GNA11: variants seen among roughly 807,000 people sequenced by gnomAD.
The protein encoded by GNA11 is guanine nucleotide-binding protein subunit alpha-11.
Under a neutral mutation model 38.2 loss-of-function variants are expected in GNA11, and 8 were observed. The observed-to-expected ratio is 0.21, with a 90% CI of 0.12 to 0.38. The LOEUF (loss-of-function observed/expected upper bound fraction) is 0.38, where lower values mean the gene tolerates loss of function less well. Among genes scored for constraint, GNA11 ranks in the 10% least tolerant of loss-of-function variants. GNA11 has a pLI of 1.00. For synonymous variants in GNA11, 211 were observed against 221.4 expected, an observed-to-expected ratio of 0.95 and a Z score of 0.42; for missense variants, 268 against 516.3, an observed-to-expected ratio of 0.52 and a Z score of 4.66.
At chr19:3,114,633 C>T (rs1282050884) in intron 3 of GNA11, among the ~76,000 whole-genome samples, 1 of 152,276 alleles carries the variant, frequency 6.6e-6, no homozygotes, top group African/African-American at 2.4e-5. Flanking sequence ...CCTTGGTGGC[C>T]GTCTCTGGAC....
Position 3,110,153 on chromosome 19 carries a change from G to C in GNA11, c.141G>C (p.Thr47=). 1.9e-6 allele frequency: 3 copies of C among 1,605,258 alleles called. No homozygotes were observed. The highest frequency in any genetic ancestry group is 1.7e-6 in the Non-Finnish European group (2 of 1,176,206). The change falls in exon 2 of 7, where the codon ACG becomes ACC. Residue 47 remains threonine (T), a synonymous_variant. Transcript: ENST00000078429. The surrounding 1 kb of genome is among the most constrained non-coding windows in gnomAD (Gnocchi z 5.4). ...CTCACGTGCCCCGTCCCCCAGGCAC[G>C]GGCGAGAGCGGGAAGAGCACGTTCA... ...RRELKLLLLG[T]GESGKSTFIK...
intron 1 of GNA11, among the ~76,000 whole-genome samples, chr19:3,096,025 G>A (rs1016791756): frequency 1.3e-5 from 2 of 152,220 alleles, no homozygotes; most frequent in African/African-American, 4.8e-5. Context: ...CTGGGCCGGG[G>A]GCGGGGCGGT....
chr19:3,118,917 C>G lies in GNA11; in HGVS notation c.606-7C>G. On this transcript the variant is annotated splice_polypyrimidine_tract_variant and splice_region_variant and intron_variant, in intron 4 of 6. Coordinates refer to ENST00000078429, the MANE Select transcript of GNA11 (RefSeq NM_002067.5). ...GGTGGCTGAGTCCTGGCGCTGTGTCCTTTCAGGATGGTGGATGTGGGGGGC... is the reference window on the plus strand; with the variant it reads ...GGTGGCTGAGTCCTGGCGCTGTGTCGTTTCAGGATGGTGGATGTGGGGGGC... 6.2e-7 allele frequency: 1 copy of G among 1,607,184 alleles called. No individual in the cohort carries two copies. Among genetic ancestry groups the G allele is most frequent in the East Asian group, 2.2e-5 (1 of 44,814 alleles).
intron 4 of GNA11, among the ~76,000 whole-genome samples, chr19:3,115,942 G>A (rs1383838218): frequency 3.6e-5 from 5 of 139,048 alleles, no homozygotes; most frequent in Non-Finnish European, 1.5e-5. Context: ...AGGCTGTGAG[G>A]GGAGGAGGGG....
intron 1 of GNA11, among the ~76,000 whole-genome samples, chr19:3,105,172 G>A (rs1361583330): frequency 6.6e-6 from 1 of 152,162 alleles, no homozygotes; most frequent in East Asian, 1.9e-4. Context: ...CAGGGGCCAG[G>A]CAGCATCTGT....
chr19:3,114,744 G>C (rs533907194), intron 3 of GNA11, among the ~76,000 whole-genome samples, 200 bp from the exon 4 acceptor site: 4 of 152,202 alleles, frequency 2.6e-5, no homozygotes, highest in African/African-American at 9.7e-5. Flanking sequence ...GAGGATAGAG[G>C]TTGGGAGGCT....
intron 1 of GNA11, among the ~76,000 whole-genome samples, chr19:3,099,931 C>T (rs918812853): frequency 6.6e-6 from 1 of 152,106 alleles, no homozygotes; most frequent in Non-Finnish European, 1.5e-5. Flanking sequence ...CAGGTCTGTG[C>T]CTCAGTTTCC....
intron 1 of GNA11, among the ~76,000 whole-genome samples, chr19:3,102,669 G>T (rs80105393): frequency 0.02 from 3,076 of 152,290 alleles, 31 homozygotes; most frequent in African/African-American, 0.03. Flanking sequence ...CTGAGGTGCT[G>T]TCTACCTCCT....
intron 1 of GNA11, among the ~76,000 whole-genome samples, chr19:3,097,689 T>C (rs911761501): frequency 6.6e-6 from 1 of 152,230 alleles, no homozygotes; most frequent in Non-Finnish European, 1.5e-5. Flanking sequence ...TACGGAGCCC[T>C]AGAGCTGGAC....
At chr19:3,097,600 C>T (rs1306773956) in intron 1 of GNA11, among the ~76,000 whole-genome samples, 1 of 152,244 alleles carries the variant, frequency 6.6e-6, no homozygotes, top group South Asian at 2.1e-4. Flanking sequence ...CACTGCCTCC[C>T]TGGGGCTGCA....
Position 3,115,088 on chromosome 19 carries a change from C to T in GNA11, c.605+16C>T, listed in dbSNP as rs749917158. ...TCATCTTCCGGTACCGCCCGGGCCA[C>T]AGCAGGCGGGGAGGGGGCACTGAGA... On this transcript the variant is annotated intron_variant, in intron 4 of 6. Transcript: ENST00000078429. 1.0e-4 allele frequency: 167 copies of T among 1,604,700 alleles called. No homozygotes were observed. Among genetic ancestry groups the T allele is most frequent in the Non-Finnish European group, 1.4e-4 (167 of 1,177,572 alleles).
intron 2 of GNA11, among the ~76,000 whole-genome samples, chr19:3,113,023 G>C (rs1250850749): frequency 9.2e-5 from 14 of 152,316 alleles, no homozygotes; most frequent in Admixed American, 2.0e-4. Flanking sequence ...TGTTCTACAC[G>C]TGCTTGTTCC....
At chr19:3,115,178 A>G (rs776984681) in intron 4 of GNA11, 106 bp downstream of exon 4, 2 of 1,310,496 alleles carry the variant, frequency 1.5e-6, no homozygotes, top group Non-Finnish European at 2.2e-6. Flanking sequence ...CCAAGGCGGG[A>G]GGATCGCCTG....
At position 3,120,953 on chromosome 19, in the gene GNA11, G is replaced by T; in HGVS notation, c.890-36G>T. 1 of 1,557,002 alleles carries T rather than the reference G, an allele frequency of 6.4e-7. No individual in the cohort carries two copies. Among genetic ancestry groups the T allele is most frequent in the Non-Finnish European group, 8.8e-7 (1 of 1,136,846 alleles). ...CCCACGAGTCCCTTGCCCTGGGCCGGGCTGGGGCACAGCCTCACCCTCTGC... is the reference window on the plus strand; with the variant it reads ...CCCACGAGTCCCTTGCCCTGGGCCGTGCTGGGGCACAGCCTCACCCTCTGC... On this transcript the variant is annotated intron_variant, in intron 6 of 6. Coordinates refer to ENST00000078429, the MANE Select transcript of GNA11 (RefSeq NM_002067.5). The surrounding 1 kb of genome is among the most constrained non-coding windows in gnomAD (Gnocchi z 5.9).
Position 3,094,802 on chromosome 19 carries a change from C to T in GNA11, c.136+15C>T. On this transcript the variant is annotated intron_variant, in intron 1 of 6. Transcript: ENST00000078429. The surrounding 1 kb of genome is among the most constrained non-coding windows in gnomAD (Gnocchi z 6.0). ...GCTGCTGCTCGGTGAGTGCGGCCCC[C>T]GGGCCTGCCGGCTGCGGGCCCTGCC... is the stretch of plus-strand genomic sequence containing the variant. The T allele has an allele frequency of 5.8e-6, 9 of 1,538,494 alleles. No homozygotes were observed. Among genetic ancestry groups the T allele is most frequent in the Non-Finnish European group, 7.9e-6 (9 of 1,146,072 alleles).
Position 3,119,440 on chromosome 19 carries a change from A to T in GNA11, c.889+81A>T. 7.4e-7 allele frequency: 1 copy of T among 1,354,346 alleles called. No homozygotes were observed. The highest frequency in any genetic ancestry group is 1.0e-6 in the Non-Finnish European group (1 of 969,502). The allele number at this position is 1,354,346 out of a possible 1,614,324, so 83.9% of individuals were successfully genotyped here. A position where few individuals can be genotyped will look rare whatever the true frequency, so the allele number is the denominator to read the frequency against. The stretch of plus-strand genomic sequence containing the variant: ...GGGGGCTGATATGGGAGAGGGGCTC[A>T]TACAGGCCGGGAGCTCTAAGGGAGG... On this transcript the variant is annotated intron_variant, in intron 6 of 6. Transcript: ENST00000078429. The surrounding 1 kb of genome is among the most constrained non-coding windows in gnomAD (Gnocchi z 4.6).
At chr19:3,109,999 G>A in intron 1 of GNA11, 150 bp from the exon 2 acceptor site, 3 of 606,002 alleles carry the variant, frequency 5.0e-6, no homozygotes. Context: ...GAGTCAGGAG[G>A]CCGTGGCGTC....
chr19:3,097,473 G>A (rs542412742), intron 1 of GNA11, among the ~76,000 whole-genome samples: 1 of 152,312 alleles, frequency 6.6e-6, no homozygotes, highest in African/African-American at 2.4e-5. Flanking sequence ...TTATGTGGGT[G>A]GTGCTGGTTT....
At chr19:3,098,625 G>T (rs530645581) in intron 1 of GNA11, among the ~76,000 whole-genome samples, 8 of 152,342 alleles carry the variant, frequency 5.3e-5, no homozygotes, top group African/African-American at 1.7e-4. Flanking sequence ...TGTCCGGCCT[G>T]CGCCAGCCCC....
Sources: gnomAD v4.1 joint callset for allele counts (sites outside exome capture counted in the v4.1 genomes callset) on GRCh38, gnomAD v4.1.1 for gene constraint, Gnocchi (gnomAD v3.1) non-coding constraint, MANE v1.5 for transcripts, NCBI Gene and HGNC (gene_info 2026-07-23, HGNC 2026-07-21) for gene names.